Variants in HMCN1 observed in about 807,000 individuals in gnomAD.
The protein encoded by HMCN1 is hemicentin-1.
HMCN1 carries 321 observed loss-of-function variants against 625.9 expected under a neutral mutation model. The ratio of observed to expected loss-of-function variants is 0.51; its 90% confidence interval spans 0.47 to 0.56. The LOEUF (loss-of-function observed/expected upper bound fraction) is 0.56, where lower values mean the gene tolerates loss of function less well. Ranked by LOEUF, HMCN1 falls within the 20% of genes least tolerant of loss-of-function variation. HMCN1 has a pLI of 0.00. For synonymous variants in HMCN1, 2,425 were observed against 2,417.6 expected (o/e 1.00, Z -0.09); for missense variants, 6,588 against 6,887.3 (o/e 0.96, Z 1.54).
intron 1 of HMCN1, among the ~76,000 whole-genome samples, chr1:185,796,346 A>T (rs1341912008): frequency 6.6e-6 from 1 of 152,082 alleles, no homozygotes; most frequent in Non-Finnish European, 1.5e-5. Context: ...ACGGACTGGT[A>T]TGGGTCCATG....
intron 23 of HMCN1, 31 bp downstream of exon 23, chr1:185,993,340 C>T (rs1475432716): frequency 6.2e-7 from 1 of 1,610,540 alleles, no homozygotes; most frequent in Non-Finnish European, 8.5e-7. Flanking sequence ...ATATGACAAC[C>T]CTGTGGACTG....
intron 66 of HMCN1, 49 bp downstream of exon 66, chr1:186,093,718 T>G: frequency 6.2e-7 from 1 of 1,606,740 alleles, no homozygotes; most frequent in Non-Finnish European, 8.5e-7. Flanking sequence ...GTAACTGTGA[T>G]TGTAGACTTT....
At chr1:185,898,450 C>G (rs576310682) in intron 4 of HMCN1, among the ~76,000 whole-genome samples, 1 of 151,742 alleles carries the variant, frequency 6.6e-6, no homozygotes, top group African/African-American at 2.4e-5. Flanking sequence ...AGTAACAATG[C>G]CAATTAAACT....
At chr1:185,781,649 T>G (rs1047800918) in intron 1 of HMCN1, among the ~76,000 whole-genome samples, 1 of 152,224 alleles carries the variant, frequency 6.6e-6, no homozygotes, top group Non-Finnish European at 1.5e-5. Context: ...TCCATGTAGT[T>G]GAGCCATTTT....
chr1:185,892,816 C>T (rs1665204086), intron 4 of HMCN1, among the ~76,000 whole-genome samples: 1 of 152,180 alleles, frequency 6.6e-6, no homozygotes, highest in Admixed American at 6.5e-5. Flanking sequence ...AGGCAGGCCT[C>T]CTTGAGCTGT....
At chr1:186,187,836 C>T in intron 105 of HMCN1, 47 bp from the exon 106 acceptor site, 3 of 1,612,616 alleles carry the variant, frequency 1.9e-6, no homozygotes, top group Non-Finnish European at 2.5e-6. Flanking sequence ...TGATGGCCTT[C>T]TCTCACCCTC....
At chr1:185,968,203 C>T (rs368858023) in intron 14 of HMCN1, among the ~76,000 whole-genome samples, 1 of 151,868 alleles carries the variant, frequency 6.6e-6, no homozygotes, top group Non-Finnish European at 1.5e-5. Flanking sequence ...CTTATTATCT[C>T]AAAAGTGAAT....
At position 186,070,676 on chromosome 1, in the gene HMCN1, C is replaced by T; in HGVS notation, c.8058C>T (p.Ile2686=). The T allele has an allele frequency of 6.2e-7, 1 of 1,613,542 alleles. No homozygotes were observed. The highest frequency in any genetic ancestry group is 8.5e-7 in the Non-Finnish European group (1 of 1,179,550). ...GPGLSPKEVK[I]KVNNTLTLEC... is the part of the protein sequence containing the mutation. ...GTCTTTCCCCTAAAGAAGTGAAGATCAAAGTAAACAACACTCTGACCTTGG... is the reference window on the plus strand; with the variant it reads ...GTCTTTCCCCTAAAGAAGTGAAGATTAAAGTAAACAACACTCTGACCTTGG... The change falls in exon 52 of 107, where the codon ATC becomes ATT. Residue 2686 remains isoleucine (I), a synonymous_variant. Transcript: ENST00000271588.
At chr1:186,083,500 TAAAAAAA>T (rs58407499) in intron 57 of HMCN1, among the ~76,000 whole-genome samples, 1 of 123,666 alleles carries the variant, frequency 8.1e-6, no homozygotes, top group African/African-American at 3.1e-5. Context: ...CACTTTTTGC[TAAAAAAA>T]AAAAAAAAAA....
chr1:186,095,213 C>A, intron 67 of HMCN1, 30 bp from the exon 68 acceptor site: 1 of 1,610,874 alleles, frequency 6.2e-7, no homozygotes, highest in South Asian at 1.1e-5. Flanking sequence ...AATAGACATC[C>A]AAATTTTGCC....
intron 55 of HMCN1, 54 bp from the exon 56 acceptor site, chr1:186,081,153 G>C: frequency 2.8e-6 from 4 of 1,437,924 alleles, no homozygotes; most frequent in Non-Finnish European, 2.9e-6. Context: ...AAATTAGCAT[G>C]ATTTAGAAAA....
intron 1 of HMCN1, among the ~76,000 whole-genome samples, chr1:185,763,101 A>G (rs898882779): frequency 2.6e-5 from 4 of 152,146 alleles, no homozygotes; most frequent in Non-Finnish European, 5.9e-5. Context: ...GGGCCCAAAA[A>G]CCCAGGACGC....
intron 1 of HMCN1, among the ~76,000 whole-genome samples, chr1:185,801,294 A>C (rs759688776): frequency 1.3e-5 from 2 of 152,210 alleles, no homozygotes; most frequent in Non-Finnish European, 2.9e-5. Flanking sequence ...TAAGAAAAAT[A>C]AGTGCTCTGG....
intron 2 of HMCN1, among the ~76,000 whole-genome samples, chr1:185,855,703 C>T (rs894230079): frequency 6.6e-6 from 1 of 152,182 alleles, no homozygotes; most frequent in Non-Finnish European, 1.5e-5. Context: ...GAAGGTCCAA[C>T]GAGTTGAAAG....
chr1:186,055,781 T>C, intron 45 of HMCN1, 107 bp downstream of exon 45: 1 of 1,128,784 alleles, frequency 8.9e-7, no homozygotes, highest in Non-Finnish European at 1.3e-6. Context: ...TTATAACCCA[T>C]CATTTTAAAC....
At chr1:185,785,073 ATCTT>A (rs1657466640) in intron 1 of HMCN1, among the ~76,000 whole-genome samples, 1 of 152,204 alleles carries the variant, frequency 6.6e-6, no homozygotes, top group African/African-American at 2.4e-5. Flanking sequence ...TTGTTTATCT[ATCTT>A]CATGTTAATG....
chr1:186,103,569 C>T lies in HMCN1; in HGVS notation c.10671C>T (p.Ala3557=). Residue 3557 remains alanine (A), a synonymous_variant, in exon 69 of 107, where the codon GCC becomes GCT. Coordinates refer to ENST00000271588, the MANE Select transcript of HMCN1 (RefSeq NM_031935.3). Reference sequence around the variant, plus strand: ...CCTGCATTGCTTCTGGAATCCCAGCCCCTAAAATGACCTGGATGAAAGATG... The same window carrying T: ...CCTGCATTGCTTCTGGAATCCCAGCTCCTAAAATGACCTGGATGAAAGATG... The part of the protein sequence containing the change: ...ELTCIASGIP[A]PKMTWMKDGR... 1 of 1,613,768 alleles carries T rather than the reference C, an allele frequency of 6.2e-7. No homozygotes were observed. The highest frequency in any genetic ancestry group is 8.5e-7 in the Non-Finnish European group (1 of 1,179,774).
chr1:185,842,028 A>G (rs1661506948), intron 1 of HMCN1, among the ~76,000 whole-genome samples: 1 of 152,206 alleles, frequency 6.6e-6, no homozygotes, highest in African/African-American at 2.4e-5. Flanking sequence ...ACTTTCACAT[A>G]CTTTTTGAAA....
chr1:186,162,469 T>A (rs1651565877), intron 97 of HMCN1, among the ~76,000 whole-genome samples: 1 of 130,222 alleles, frequency 7.7e-6, no homozygotes, highest in Non-Finnish European at 1.7e-5. Flanking sequence ...GGAACTGTGA[T>A]CCTTTGGAGG....
Sources: gnomAD v4.1 joint callset for allele counts (sites outside exome capture counted in the v4.1 genomes callset) on GRCh38, gnomAD v4.1.1 for gene constraint, MANE v1.5 for transcripts, NCBI Gene and HGNC (gene_info 2026-07-23, HGNC 2026-07-21) for gene names.